Variants in NCAM2 observed in about 807,000 individuals in gnomAD.
NCAM2 encodes the protein N-CAM-2.
Under a neutral mutation model 98.1 loss-of-function variants are expected in NCAM2, and 30 were observed. That is an observed-to-expected ratio of 0.31 (90% CI 0.23 to 0.41). The LOEUF is 0.41. Ranked by LOEUF, NCAM2 falls within the 10% of genes least tolerant of loss-of-function variation. NCAM2 has a pLI of 1.00. For missense variants in NCAM2, 867 were observed against 1,005.8 expected (o/e 0.86, Z 1.87); for synonymous variants, 368 against 342.4 (o/e 1.07, Z -0.83).
chr21:21,259,720 A>G (rs970775810), intron 1 of NCAM2, among the ~76,000 whole-genome samples: 1 of 152,092 alleles, frequency 6.6e-6, no homozygotes, highest in Admixed American at 6.5e-5. Context: ...TAAATGTACA[A>G]TGGATTGCTA....
At chr21:21,079,623 A>G (rs1052321726) in intron 1 of NCAM2, among the ~76,000 whole-genome samples, 16 of 151,960 alleles carry the variant, frequency 1.1e-4, no homozygotes, top group Admixed American at 9.8e-4. Flanking sequence ...GGCCATCACT[A>G]TGACACTCTT....
At chr21:21,316,331 A>G (rs549920239) in intron 5 of NCAM2, among the ~76,000 whole-genome samples, 218 of 152,166 alleles carry the variant, frequency 1.4e-3, no homozygotes, top group Middle Eastern at 3.4e-3. Context: ...GGTTTGTTAC[A>G]TATGTTTACA....
intron 16 of NCAM2, among the ~76,000 whole-genome samples, chr21:21,529,724 C>T (rs1310611804): frequency 2.0e-5 from 3 of 151,676 alleles, no homozygotes; most frequent in Non-Finnish European, 4.4e-5. Context: ...AGTGCATGGA[C>T]ATTTACTGTC....
chr21:21,258,552 G>T (rs569381529), intron 1 of NCAM2, among the ~76,000 whole-genome samples: 5 of 152,238 alleles, frequency 3.3e-5, no homozygotes, highest in African/African-American at 9.6e-5. Flanking sequence ...CTGCCAATCT[G>T]CTGGGGAGGC....
chr21:21,290,836 C>T (rs1438765367), intron 4 of NCAM2, among the ~76,000 whole-genome samples: 1 of 151,792 alleles, frequency 6.6e-6, no homozygotes, highest in Non-Finnish European at 1.5e-5. Flanking sequence ...CAAATTTGCC[C>T]CCAAATTGGA....
chr21:21,010,790 A>G (rs1029446611), intron 1 of NCAM2, among the ~76,000 whole-genome samples: 1 of 152,104 alleles, frequency 6.6e-6, no homozygotes, highest in East Asian at 1.9e-4. Flanking sequence ...ATAAATCTTT[A>G]TAAGTGTAAA....
At chr21:21,365,815 C>T (rs1035871178) in intron 8 of NCAM2, among the ~76,000 whole-genome samples, 1 of 152,170 alleles carries the variant, frequency 6.6e-6, no homozygotes, top group African/African-American at 2.4e-5. Flanking sequence ...ATAGTGGATA[C>T]TGCAGAAAAT....
chr21:21,439,617 T>C (rs1280147226), intron 12 of NCAM2, among the ~76,000 whole-genome samples: 1 of 152,110 alleles, frequency 6.6e-6, no homozygotes, highest in Non-Finnish European at 1.5e-5. Flanking sequence ...TCTTGATAGG[T>C]CAGAAAACTA....
At chr21:21,431,109 CATATA>C (rs755043870) in intron 11 of NCAM2, among the ~76,000 whole-genome samples, 173 of 89,700 alleles carry the variant, frequency 1.9e-3, no homozygotes, top group Non-Finnish European at 3.1e-3. Flanking sequence ...AGAGCCAAAC[CATATA>C]ATATATGTTT....
chr21:21,165,237 T>C (rs1308564767), intron 1 of NCAM2, among the ~76,000 whole-genome samples: 2 of 152,156 alleles, frequency 1.3e-5, no homozygotes, highest in Non-Finnish European at 2.9e-5. Context: ...CACTTAATTT[T>C]CCCCTAAATG....
At chr21:21,040,069 A>G (rs999986029) in intron 1 of NCAM2, among the ~76,000 whole-genome samples, 4 of 152,136 alleles carry the variant, frequency 2.6e-5, no homozygotes, top group African/African-American at 9.7e-5. Flanking sequence ...ACAGTCCTCT[A>G]TTTTAATTTC....
chr21:21,300,383 A>G (rs1248753103), intron 5 of NCAM2, among the ~76,000 whole-genome samples: 4 of 152,024 alleles, frequency 2.6e-5, no homozygotes. Context: ...TTGAGTCCAA[A>G]CTATCAGTGC....
At chr21:21,068,129 T>C (rs1431337141) in intron 1 of NCAM2, among the ~76,000 whole-genome samples, 2 of 130,058 alleles carry the variant, frequency 1.5e-5, no homozygotes, top group South Asian at 2.6e-4. Flanking sequence ...ATAATGACTT[T>C]TTTTTCTTTT....
chr21:21,030,820 CTT>C (rs1356696129), intron 1 of NCAM2, among the ~76,000 whole-genome samples: 2 of 152,054 alleles, frequency 1.3e-5, no homozygotes, highest in Non-Finnish European at 2.9e-5. Context: ...CAGCAACTGA[CTT>C]TGTTTAAAAG....
At chr21:21,315,494 G>T (rs1048174979) in intron 5 of NCAM2, among the ~76,000 whole-genome samples, 2 of 152,130 alleles carry the variant, frequency 1.3e-5, no homozygotes, top group African/African-American at 4.8e-5. Flanking sequence ...TTAATGAGGA[G>T]GATAAAAGCA....
intron 1 of NCAM2, among the ~76,000 whole-genome samples, chr21:21,164,480 A>G (rs1056510942): frequency 6.6e-6 from 1 of 152,184 alleles, no homozygotes; most frequent in African/African-American, 2.4e-5. Context: ...AGTGAGTAAC[A>G]TAACCCCGAG....
intron 6 of NCAM2, among the ~76,000 whole-genome samples, chr21:21,330,621 T>G (rs1341047586): frequency 6.6e-6 from 1 of 152,190 alleles, no homozygotes; most frequent in Non-Finnish European, 1.5e-5. Flanking sequence ...ATTGTGGAAG[T>G]CTTCTATATT....
intron 9 of NCAM2, among the ~76,000 whole-genome samples, chr21:21,390,154 AT>A (rs532568580): frequency 4.4e-4 from 66 of 151,308 alleles, no homozygotes; most frequent in African/African-American, 1.4e-3. Flanking sequence ...CCTGGCTATT[AT>A]TTTTTTTTAT....
intron 1 of NCAM2, among the ~76,000 whole-genome samples, chr21:21,251,003 G>T (rs2071448004): frequency 6.6e-6 from 1 of 152,108 alleles, no homozygotes; most frequent in Non-Finnish European, 1.5e-5. Context: ...TGAAACTTAA[G>T]TTTAACCTGG....
Sources: gnomAD v4.1 joint callset for allele counts (sites outside exome capture counted in the v4.1 genomes callset) on GRCh38, gnomAD v4.1.1 for gene constraint, MANE v1.5 for transcripts, NCBI Gene and HGNC (gene_info 2026-07-23, HGNC 2026-07-21) for gene names.